The following CPQ variants were observed in gnomAD, a reference collection of about 807,000 sequenced individuals.
The protein encoded by CPQ is carboxypeptidase Q.
Under a neutral mutation model 45.7 loss-of-function variants are expected in CPQ, and 37 were observed. That is an observed-to-expected ratio of 0.81 (90% CI 0.62 to 1.07). The LOEUF (loss-of-function observed/expected upper bound fraction) is 1.07, where lower values mean the gene tolerates loss of function less well. CPQ is among the 50% of genes least tolerant of loss of function. CPQ has a pLI of 0.00. For missense variants in CPQ, 537 were observed against 572.9 expected (o/e 0.94, Z 0.64); for synonymous variants, 186 against 205.8 (o/e 0.90, Z 0.82).
chr8:96,703,135 T>A (rs1809489898), intron 1 of CPQ, among the ~76,000 whole-genome samples: 1 of 152,206 alleles, frequency 6.6e-6, no homozygotes, highest in Admixed American at 6.5e-5. Flanking sequence ...AGAACCTAAC[T>A]CTGTATTTCC....
At chr8:97,067,044 A>G (rs1473081245) in intron 7 of CPQ, among the ~76,000 whole-genome samples, 1 of 146,390 alleles carries the variant, frequency 6.8e-6, no homozygotes, top group Non-Finnish European at 1.5e-5. Flanking sequence ...TTCCTGTCTC[A>G]GCCTCCCGAG....
At chr8:96,935,904 T>C (rs1321998346) in intron 4 of CPQ, among the ~76,000 whole-genome samples, 1 of 152,194 alleles carries the variant, frequency 6.6e-6, no homozygotes, top group Non-Finnish European at 1.5e-5. Context: ...TAATGCTAAT[T>C]CATTATCCTC....
At chr8:96,692,019 A>G (rs894596562) in intron 1 of CPQ, among the ~76,000 whole-genome samples, 1 of 152,250 alleles carries the variant, frequency 6.6e-6, no homozygotes, top group Non-Finnish European at 1.5e-5. Flanking sequence ...CAATAATACT[A>G]TTAATAAGTC....
At chr8:96,712,987 A>G (rs1382995635) in intron 1 of CPQ, among the ~76,000 whole-genome samples, 1 of 152,056 alleles carries the variant, frequency 6.6e-6, no homozygotes, top group African/African-American at 2.4e-5. Flanking sequence ...ACGCTAGATC[A>G]TCTCTCTCAA....
rs970900384 is a variant in CPQ at position 96,834,985 on chromosome 8, A to C, written c.446A>C (p.Glu149Ala). ...CTTTTATTTCTAGGCATTACAGCAG[A>C]AGTTCTGGTGGTGACCTCTTTCGAT... ...IGTPPEGITAEVLVVTSFDEL... is the reference protein window; with the variant it reads ...IGTPPEGITAAVLVVTSFDEL... The change falls in exon 3 of 8, where the codon GAA becomes GCA. Residue 149 changes from glutamate (E) to alanine (A), a missense_variant. Transcript: ENST00000220763. The C allele has an allele frequency of 6.2e-7, 1 of 1,612,394 alleles. No homozygotes were observed.
At chr8:96,970,585 A>G (rs1813649867) in intron 5 of CPQ, among the ~76,000 whole-genome samples, 2 of 148,196 alleles carry the variant, frequency 1.3e-5, no homozygotes, top group African/African-American at 2.5e-5. Flanking sequence ...TTTTTTTGAG[A>G]CGGAGTCTCG....
intron 5 of CPQ, among the ~76,000 whole-genome samples, chr8:96,972,539 C>G (rs1813696888): frequency 6.6e-6 from 1 of 151,188 alleles, no homozygotes; most frequent in Non-Finnish European, 1.5e-5. Context: ...AGCTGATACA[C>G]TCTTGTCAGT....
At chr8:97,071,704 T>C (rs1006012040) in intron 7 of CPQ, among the ~76,000 whole-genome samples, 1 of 152,200 alleles carries the variant, frequency 6.6e-6, no homozygotes, top group Non-Finnish European at 1.5e-5. Flanking sequence ...TGAAAATCAG[T>C]ATATCAACCT....
At chr8:97,085,300 C>T (rs1283383129) in intron 7 of CPQ, among the ~76,000 whole-genome samples, 2 of 151,944 alleles carry the variant, frequency 1.3e-5, no homozygotes, top group African/African-American at 4.8e-5. Context: ...AGGAGGATCA[C>T]TTGATCCCAG....
At chr8:96,955,683 C>T (rs1813345158) in intron 4 of CPQ, among the ~76,000 whole-genome samples, 1 of 152,082 alleles carries the variant, frequency 6.6e-6, no homozygotes, top group Non-Finnish European at 1.5e-5. Context: ...GAGAAATAGA[C>T]CAATGGAACA....
chr8:97,007,153 C>T (rs1377627490), intron 5 of CPQ, among the ~76,000 whole-genome samples: 1 of 152,134 alleles, frequency 6.6e-6, no homozygotes, highest in Non-Finnish European at 1.5e-5. Flanking sequence ...TCCAATATAC[C>T]GACATCTTTA....
intron 2 of CPQ, among the ~76,000 whole-genome samples, chr8:96,827,908 A>G (rs1441999192): frequency 2.6e-5 from 4 of 152,122 alleles, no homozygotes; most frequent in African/African-American, 9.6e-5. Flanking sequence ...AAAAAAAGTT[A>G]CAGAGTAAGA....
chr8:97,094,252 G>C (rs1036123799), intron 7 of CPQ, among the ~76,000 whole-genome samples: 1 of 152,104 alleles, frequency 6.6e-6, no homozygotes, highest in Non-Finnish European at 1.5e-5. Context: ...TCCCTTGCAG[G>C]TTACACTGTC....
At chr8:97,124,786 A>G (rs1811817819) in intron 7 of CPQ, among the ~76,000 whole-genome samples, 2 of 152,208 alleles carry the variant, frequency 1.3e-5, no homozygotes, top group African/African-American at 2.4e-5. Context: ...CAGTGCTTAG[A>G]TGGAAATGTG....
intron 7 of CPQ, among the ~76,000 whole-genome samples, chr8:97,105,370 C>T (rs1401183065): frequency 6.6e-6 from 1 of 152,120 alleles, no homozygotes; most frequent in Non-Finnish European, 1.5e-5. Flanking sequence ...CAAGGTTTAT[C>T]CAGGTTGTAG....
At chr8:96,790,101 A>G (rs1810827203) in intron 2 of CPQ, among the ~76,000 whole-genome samples, 1 of 152,080 alleles carries the variant, frequency 6.6e-6, no homozygotes, top group South Asian at 2.1e-4. Context: ...CAAGCTCTCC[A>G]TTATTTTCAG....
At chr8:96,760,996 G>C (rs1238672602) in intron 1 of CPQ, 1 of 152,140 alleles carries the variant, frequency 6.6e-6, no homozygotes, top group Non-Finnish European at 1.5e-5. Context: ...GTCTCAGTTA[G>C]GATGTGTGTT....
intron 1 of CPQ, among the ~76,000 whole-genome samples, chr8:96,770,923 C>A (rs944670270): frequency 6.7e-6 from 1 of 148,712 alleles, no homozygotes; most frequent in African/African-American, 2.4e-5. Flanking sequence ...GAATAGTTCC[C>A]TCCTTATAAC....
intron 5 of CPQ, among the ~76,000 whole-genome samples, chr8:96,995,906 G>A (rs940086576): frequency 1.3e-5 from 2 of 151,910 alleles, no homozygotes; most frequent in African/African-American, 4.8e-5. Context: ...CTGAAGCCAA[G>A]GAAATTTGGG....
Sources: allele counts gnomAD v4.1 joint callset (sites outside exome capture counted in the v4.1 genomes callset), GRCh38; gene constraint gnomAD v4.1.1; transcripts MANE v1.5; gene names NCBI Gene and HGNC (gene_info 2026-07-23, HGNC 2026-07-21).